TCP11: variants seen among roughly 807,000 people sequenced by gnomAD.
TCP11 encodes t-complex 11.
TCP11 carries 34 observed loss-of-function variants against 45.0 expected under a neutral mutation model. The observed-to-expected ratio is 0.76, with a 90% CI of 0.57 to 1.01. The LOEUF is 1.01. Among genes scored for constraint, TCP11 ranks in the 50% least tolerant of loss-of-function variants. TCP11 has a pLI of 0.00. For missense variants in TCP11, 523 were observed against 598.1 expected (o/e 0.87, Z 1.31); for synonymous variants, 227 against 227.0 (o/e 1.00, Z 0.00).
Position 35,141,210 on chromosome 6 carries a change from C to T in TCP11, c.-20G>A. Reference sequence around the variant, plus strand: ...TCCGGCTCCCAGGCCGTCACCTCCTCCTCCCCCGCCGCGGGTCATCCACTG... The same window carrying T: ...TCCGGCTCCCAGGCCGTCACCTCCTTCTCCCCCGCCGCGGGTCATCCACTG... On this transcript the variant is annotated 5_prime_UTR_variant, in exon 1 of 10. Coordinates refer to ENST00000311875, the MANE Select transcript of TCP11 (RefSeq NM_001370687.1). The T allele has an allele frequency of 1.3e-5, 18 of 1,406,264 alleles. No homozygotes were observed. The highest frequency in any genetic ancestry group is 1.7e-5 in the Non-Finnish European group (18 of 1,082,400). The allele number at this position is 1,406,264 out of a possible 1,614,324, so 87.1% of individuals were successfully genotyped here.
rs751241647 is a variant in TCP11 at position 35,120,178 on chromosome 6, A to G, written c.1096T>C (p.Leu366=). The change falls in exon 8 of 10, where the codon TTG becomes CTG. Residue 366 remains leucine, a synonymous_variant. Transcript: ENST00000311875. This position sits in a 1 kb window ranked among gnomAD's most constrained non-coding sequence, Gnocchi z 4.9. The stretch of plus-strand genomic sequence containing the variant: ...GCTCACCTGGAGTGAAAGTCTTCCA[A>G]CAAGGATTTGGTTATGCGTTTCAGT... ...DKLKRITKSL[L]EDFHSRPEEA... The G allele has an allele frequency of 5.6e-6, 9 of 1,614,144 alleles. No individual in the cohort carries two copies. Among genetic ancestry groups the G allele is most frequent in the Middle Eastern group, 3.3e-4 (2 of 6,060 alleles).
chr6:35,128,914 C>A, intron 4 of TCP11, 148 bp downstream of exon 4: 4 of 1,003,950 alleles, frequency 4.0e-6, no homozygotes, highest in Non-Finnish European at 5.6e-6. Context: ...TTAAACCCTC[C>A]CTGCTAAAAT....
At chr6:35,140,444 A>G in intron 2 of TCP11, 1 of 547,436 alleles carries the variant, frequency 1.8e-6, no homozygotes, top group African/African-American at 1.9e-5. Flanking sequence ...TCAATCCCAG[A>G]TCTATCTGCC....
intron 2 of TCP11, among the ~76,000 whole-genome samples, chr6:35,138,394 CA>C (rs369139912): frequency 8.4e-4 from 128 of 152,100 alleles, no homozygotes; most frequent in African/African-American, 3.0e-3. Context: ...CAGCCAAAAA[CA>C]AAAAAACAAC....
At chr6:35,132,752 CCT>C (rs1780596940) in intron 3 of TCP11, among the ~76,000 whole-genome samples, 1 of 152,134 alleles carries the variant, frequency 6.6e-6, no homozygotes, top group African/African-American at 2.4e-5. Context: ...TTCATTTCTC[CCT>C]CTCTCGTTTC....
Position 35,118,224 on chromosome 6 carries a change from G to C in TCP11, c.*45C>G. 6.7e-7 allele frequency: 1 copy of C among 1,499,378 alleles called. No individual in the cohort carries two copies. Among genetic ancestry groups the C allele is most frequent in the Non-Finnish European group, 9.3e-7 (1 of 1,077,722 alleles). 92.9% of individuals were successfully genotyped at this position (1,499,378 alleles called of 1,614,324 possible). On this transcript the variant is annotated 3_prime_UTR_variant, in exon 10 of 10. Coordinates refer to ENST00000311875, the MANE Select transcript of TCP11 (RefSeq NM_001370687.1). ...GTGATGTTACTCCAGGAAGATGATGGGCCTCCTCTTGGGTCCAAGGTACCA... is the reference window on the plus strand; with the variant it reads ...GTGATGTTACTCCAGGAAGATGATGCGCCTCCTCTTGGGTCCAAGGTACCA...
chr6:35,121,729 C>T (rs1052538506), intron 5 of TCP11, among the ~76,000 whole-genome samples: 1 of 151,384 alleles, frequency 6.6e-6, no homozygotes, highest in African/African-American at 2.4e-5. Flanking sequence ...AGGAGAATCG[C>T]TTGAACCCAG....
At chr6:35,123,651 CTT>C (rs3045081) in intron 4 of TCP11, among the ~76,000 whole-genome samples, 1,465 of 127,980 alleles carry the variant, frequency 0.011, 28 homozygotes, top group African/African-American at 0.039. Flanking sequence ...AGTTTTCTTT[CTT>C]TTTTTTTTTT....
chr6:35,118,254 T>C lies in TCP11; in HGVS notation c.*15A>G. On this transcript the variant is annotated 3_prime_UTR_variant, in exon 10 of 10. Coordinates refer to ENST00000311875, the MANE Select transcript of TCP11 (RefSeq NM_001370687.1). Reference sequence around the variant, plus strand: ...CCTCTTGGGTCCAAGGTACCAGGGCTCTGAGCCGACGCTATCAAACAGACT... The same window carrying C: ...CCTCTTGGGTCCAAGGTACCAGGGCCCTGAGCCGACGCTATCAAACAGACT... The C allele has an allele frequency of 3.1e-6, 5 of 1,611,182 alleles. No homozygotes were observed. Among genetic ancestry groups the C allele is most frequent in the Non-Finnish European group, 4.2e-6 (5 of 1,177,348 alleles).
rs567909660 is a variant in TCP11 at position 35,139,966 on chromosome 6, A to T, written c.124+781T>A. ...GTTTTATATATGGACTCATTTAAAT[A>T]GACACCTCAAAAACTTAAATTGTGT... On this transcript the variant is annotated intron_variant, in intron 2 of 9. Coordinates refer to ENST00000311875, the MANE Select transcript of TCP11 (RefSeq NM_001370687.1). 3.8e-6 allele frequency: 6 copies of T among 1,569,590 alleles called. No homozygotes were observed. The South Asian group carries it at 6.8e-5, about 18-fold the overall frequency.
chr6:35,133,051 C>G (rs930260855), intron 3 of TCP11, among the ~76,000 whole-genome samples: 1 of 152,198 alleles, frequency 6.6e-6, no homozygotes, highest in Admixed American at 6.6e-5. Flanking sequence ...CAATGGCCCT[C>G]TGACAAAAGC....
At chr6:35,118,618 C>G in intron 9 of TCP11, 117 bp from the exon 10 acceptor site, 5 of 843,778 alleles carry the variant, frequency 5.9e-6, no homozygotes, top group South Asian at 3.8e-5. Flanking sequence ...AACCTGCCCC[C>G]CTACCTAGAG....
At chr6:35,118,731 G>A (rs1778903035) in intron 9 of TCP11, among the ~76,000 whole-genome samples, 1 of 152,192 alleles carries the variant, frequency 6.6e-6, no homozygotes, top group Admixed American at 6.5e-5. Flanking sequence ...TCAAAAGATT[G>A]TTTAAGTAGC....
chr6:35,122,032 A>G, intron 5 of TCP11, 85 bp downstream of exon 5: 1 of 1,325,010 alleles, frequency 7.5e-7, no homozygotes, highest in Non-Finnish European at 1.1e-6. Context: ...GCTGGTCAAG[A>G]CGATGGCTAT....
At position 35,136,136 on chromosome 6, in the gene TCP11, G is replaced by A; in HGVS notation, c.207C>T (p.Tyr69=). The part of the protein sequence containing the change: ...SNKIGMNCDY[Y]MEEKVLPPSS... Reference sequence around the variant, plus strand: ...TTGGAGGTAAAACCTTCTCTTCCATGTAGTAATCACAATTCATCCCAATCT... The same window carrying A: ...TTGGAGGTAAAACCTTCTCTTCCATATAGTAATCACAATTCATCCCAATCT... The change falls in exon 3 of 10, where the codon TAC becomes TAT. Residue 69 remains tyrosine (Y), a synonymous_variant. Coordinates refer to ENST00000311875, the MANE Select transcript of TCP11 (RefSeq NM_001370687.1). 1 of 1,613,752 alleles carries A rather than the reference G, an allele frequency of 6.2e-7. No individual in the cohort carries two copies. The highest frequency in any genetic ancestry group is 8.5e-7 in the Non-Finnish European group (1 of 1,179,810).
chr6:35,121,037 A>G lies in TCP11; in HGVS notation c.587T>C (p.Phe196Ser). The G allele has an allele frequency of 1.2e-6, 2 of 1,608,698 alleles. No homozygotes were observed. The highest frequency in any genetic ancestry group is 1.7e-5 in the Admixed American group (1 of 59,702). ...TDPVWLLRGI[F>S]QVLGRMKMDM... The stretch of plus-strand genomic sequence containing the variant: ...CATTTTCATCCGGCCCAGAACCTGG[A>G]AGATCCCTCTGACACAGGGGGAAAG... Residue 196 changes from phenylalanine to serine, a missense_variant, in exon 6 of 10, where the codon TTC (phenylalanine) becomes TCC (serine). By Grantham distance (155) the Phe-to-Ser change is radical. This residue lies in a region of TCP11 where 298 missense variants were observed against 387.9 expected (regional missense o/e 0.77). Transcript: ENST00000311875.
In TCP11 at chr6:35,129,981, C is replaced by A. The variant is rs894683295; in HGVS notation, c.237-799G>T. On this transcript the variant is annotated intron_variant, in intron 3 of 9. Coordinates refer to ENST00000311875, the MANE Select transcript of TCP11 (RefSeq NM_001370687.1). Reference sequence around the variant, plus strand: ...ATTTTTAGTAGAGATGGGGGTCCCGCTATGTTGCTCGGGCTGGTCTTGAAC... The same window carrying A: ...ATTTTTAGTAGAGATGGGGGTCCCGATATGTTGCTCGGGCTGGTCTTGAAC... Among the ~76,000 whole-genome samples, 6 of 152,136 alleles carry A rather than the reference C, an allele frequency of 3.9e-5. No individual in the cohort carries two copies. In the East Asian group the frequency reaches 9.7e-4, roughly 24 times the overall value.
chr6:35,128,866 C>A, intron 4 of TCP11, 196 bp downstream of exon 4: 1 of 624,736 alleles, frequency 1.6e-6, no homozygotes, highest in Non-Finnish European at 2.5e-6. Flanking sequence ...CTAGCCAAGC[C>A]CTCATTTCTC....
intron 4 of TCP11, 41 bp downstream of exon 4, chr6:35,129,021 A>C: frequency 6.2e-7 from 1 of 1,605,738 alleles, no homozygotes; most frequent in South Asian, 1.1e-5. Flanking sequence ...TGAGCTGGAG[A>C]TGTCTAGAAA....
Sources: gnomAD v4.1 joint callset for allele counts (sites outside exome capture counted in the v4.1 genomes callset) on GRCh38, gnomAD v4.1.1 for gene constraint, gnomAD v4.1.1 regional missense constraint, Gnocchi (gnomAD v3.1) non-coding constraint, MANE v1.5 for transcripts, NCBI Gene and HGNC (gene_info 2026-07-23, HGNC 2026-07-21) for gene names.